PRKAR2B: variants seen among roughly 807,000 people sequenced by gnomAD.
The protein encoded by PRKAR2B is protein kinase cAMP-dependent type II regulatory subunit beta.
In PRKAR2B, 14 loss-of-function variants were observed where a neutral mutation model predicts 49.9. The observed-to-expected ratio is 0.28, with a 90% CI of 0.19 to 0.44. The LOEUF (loss-of-function observed/expected upper bound fraction) is 0.44, where lower values mean the gene tolerates loss of function less well. Among genes scored for constraint, PRKAR2B ranks in the 20% least tolerant of loss-of-function variants. The pLI is 1.00. For synonymous variants in PRKAR2B, 196 were observed against 197.7 expected (o/e 0.99, Z 0.07); for missense variants, 393 against 537.9 (o/e 0.73, Z 2.67).
chr7:107,097,743 G>A (rs1282254180), intron 2 of PRKAR2B, among the ~76,000 whole-genome samples: 2 of 152,106 alleles, frequency 1.3e-5, no homozygotes, highest in African/African-American at 4.8e-5. Context: ...TGTCTGTAAA[G>A]GATTTTATTT....
At chr7:107,149,675 A>C (rs760171300) in intron 6 of PRKAR2B, among the ~76,000 whole-genome samples, 11 of 152,118 alleles carry the variant, frequency 7.2e-5, no homozygotes, top group Non-Finnish European at 1.3e-4. Flanking sequence ...AGAAACATTC[A>C]GTTGCAGTCC....
chr7:107,138,502 C>T (rs779271350), intron 4 of PRKAR2B, among the ~76,000 whole-genome samples: 3 of 152,008 alleles, frequency 2.0e-5, no homozygotes, highest in Non-Finnish European at 4.4e-5. Context: ...CAGCCTCAAC[C>T]TCCCAGGCTC....
rs35682952 is a variant in PRKAR2B at position 107,126,420 on chromosome 7, C to CAAAAAAAAAAAAA, written c.397-1781_397-1769dup. Among the ~76,000 whole-genome samples the CAAAAAAAAAAAAA allele has an allele frequency of 1.1e-3, 44 of 38,396 alleles. 2 individuals carry two copies. Among genetic ancestry groups the CAAAAAAAAAAAAA allele is most frequent in the African/African-American group, 2.8e-3 (27 of 9,538 alleles). The allele number at this position is 38,396 out of a possible 152,430, so 25.2% of individuals were successfully genotyped here. A position where few individuals can be genotyped will look rare whatever the true frequency, so the allele number is the denominator to read the frequency against. On this transcript the variant is annotated intron_variant, in intron 3 of 10. Coordinates refer to ENST00000265717, the MANE Select transcript of PRKAR2B (RefSeq NM_002736.3). The stretch of plus-strand genomic sequence containing the variant: ...TGGGCAACAGAGTGAGAATCTGTCT[C>CAAAAAAAAAAAAA]AAAAAAAAAAAAAAAAAAAAAAAGT...
intron 2 of PRKAR2B, among the ~76,000 whole-genome samples, chr7:107,108,247 G>A (rs894973021): frequency 2.0e-5 from 3 of 152,162 alleles, no homozygotes; most frequent in Non-Finnish European, 2.9e-5. Flanking sequence ...CACAACAGAG[G>A]ACTTCTGAAA....
chr7:107,081,520 T>C (rs921623923), intron 2 of PRKAR2B, among the ~76,000 whole-genome samples: 4 of 151,746 alleles, frequency 2.6e-5, no homozygotes, highest in Non-Finnish European at 2.9e-5. Context: ...AATCATTGGA[T>C]AATGTTTTCT....
intron 2 of PRKAR2B, among the ~76,000 whole-genome samples, chr7:107,079,786 G>A (rs997778292): frequency 1.3e-5 from 2 of 152,168 alleles, no homozygotes; most frequent in African/African-American, 2.4e-5. Context: ...TTAACAGTGA[G>A]GTTCATAATT....
At chr7:107,146,558 C>A (rs1795898853) in intron 6 of PRKAR2B, 97 bp downstream of exon 6, 5 of 1,296,040 alleles carry the variant, frequency 3.9e-6, no homozygotes, top group Admixed American at 2.4e-5. Flanking sequence ...ATTTAAAGAT[C>A]ATCAGTCATC....
chr7:107,137,794 A>G (rs1474401129), intron 4 of PRKAR2B, among the ~76,000 whole-genome samples: 1 of 151,952 alleles, frequency 6.6e-6, no homozygotes, highest in East Asian at 1.9e-4. Flanking sequence ...ATTTCTCTTC[A>G]TTTTCAGAGA....
At chr7:107,051,608 G>C (rs891952801) in intron 1 of PRKAR2B, among the ~76,000 whole-genome samples, 1 of 152,070 alleles carries the variant, frequency 6.6e-6, no homozygotes, top group African/African-American at 2.4e-5. Flanking sequence ...AAGAATTTGA[G>C]CTAAAATTTT....
At chr7:107,054,815 A>C (rs1368068163) in intron 1 of PRKAR2B, among the ~76,000 whole-genome samples, 2 of 152,128 alleles carry the variant, frequency 1.3e-5, no homozygotes, top group African/African-American at 4.8e-5. Flanking sequence ...TTTTAAATAG[A>C]CTTTTTTTTA....
intron 2 of PRKAR2B, among the ~76,000 whole-genome samples, chr7:107,073,644 C>T (rs1584412657): frequency 2.0e-5 from 3 of 152,250 alleles, no homozygotes; most frequent in Admixed American, 2.0e-4. Flanking sequence ...TGACAGCACC[C>T]CATAACCTTA....
chr7:107,091,573 T>A lies in PRKAR2B; in HGVS notation c.343+21257T>A, dbSNP rs533215150. Reference sequence around the variant, plus strand: ...ATGTGAATCTGCCATTCCTGCAGGCTCACTTGGTTCCTGCATGCCTCCCAG... The same window carrying A: ...ATGTGAATCTGCCATTCCTGCAGGCACACTTGGTTCCTGCATGCCTCCCAG... On this transcript the variant is annotated intron_variant, in intron 2 of 10. Transcript: ENST00000265717. 13 of 152,348 alleles carry A rather than the reference T, an allele frequency of 8.5e-5. No individual in the cohort carries two copies. In the South Asian group the frequency reaches 2.5e-3, roughly 29 times the overall value. 9.4% of individuals were successfully genotyped at this position (152,348 alleles called of 1,614,324 possible).
intron 1 of PRKAR2B, among the ~76,000 whole-genome samples, chr7:107,053,110 C>G (rs1793841447): frequency 6.6e-6 from 1 of 152,186 alleles, no homozygotes; most frequent in South Asian, 2.1e-4. Flanking sequence ...GGATTATAGG[C>G]AAGAGCCACC....
At chr7:107,101,135 A>ATTTTTTTT (rs950761298) in intron 2 of PRKAR2B, among the ~76,000 whole-genome samples, 55 of 94,686 alleles carry the variant, frequency 5.8e-4, no homozygotes, top group African/African-American at 8.0e-4. Context: ...GTTGTTGCTT[A>ATTTTTTTT]TTTTTTTTTT....
chr7:107,096,494 T>C (rs1794840386), intron 2 of PRKAR2B, among the ~76,000 whole-genome samples: 1 of 152,130 alleles, frequency 6.6e-6, no homozygotes, highest in Admixed American at 6.5e-5. Flanking sequence ...AAGGGTTTTT[T>C]TGTGTCTTTA....
chr7:107,056,490 A>G (rs922825609), intron 1 of PRKAR2B, among the ~76,000 whole-genome samples: 1 of 151,914 alleles, frequency 6.6e-6, no homozygotes, highest in Non-Finnish European at 1.5e-5. Flanking sequence ...CTTTTATTTC[A>G]TTGAGCAGTG....
chr7:107,145,295 A>G (rs1190408589), intron 5 of PRKAR2B, among the ~76,000 whole-genome samples: 2 of 152,228 alleles, frequency 1.3e-5, no homozygotes, highest in African/African-American at 4.8e-5. Flanking sequence ...AACTTTATTT[A>G]CAAAAGCAGA....
intron 6 of PRKAR2B, among the ~76,000 whole-genome samples, chr7:107,149,566 T>G (rs1795947277): frequency 6.6e-6 from 1 of 152,194 alleles, no homozygotes; most frequent in African/African-American, 2.4e-5. Context: ...ATCCCATTCA[T>G]GAGGGCTCCA....
intron 1 of PRKAR2B, among the ~76,000 whole-genome samples, chr7:107,065,685 C>T (rs989042865): frequency 1.3e-5 from 2 of 152,168 alleles, no homozygotes; most frequent in African/African-American, 2.4e-5. Flanking sequence ...AATACAGCAA[C>T]AAAATTAATG....
Sources: gnomAD v4.1 joint callset for allele counts (sites outside exome capture counted in the v4.1 genomes callset) on GRCh38, gnomAD v4.1.1 for gene constraint, MANE v1.5 for transcripts, NCBI Gene and HGNC (gene_info 2026-07-23, HGNC 2026-07-21) for gene names.